CCDC88C: variants seen among roughly 807,000 people sequenced by gnomAD.
CCDC88C encodes the protein protein Daple.
A neutral mutation model predicts 198.8 loss-of-function variants in CCDC88C; 131 were observed. The ratio of observed to expected loss-of-function variants is 0.66; its 90% confidence interval spans 0.57 to 0.76. CCDC88C has a LOEUF of 0.76. Among genes scored for constraint, CCDC88C ranks in the 30% least tolerant of loss-of-function variants. The probability of loss-of-function intolerance (pLI) is 0.00; values close to 1 mark genes in which losing one functional copy is unlikely to be tolerated. For synonymous variants in CCDC88C, 1,166 were observed against 1,114.7 expected, an observed-to-expected ratio of 1.05 and a Z score of -0.92; for missense variants, 2,553 against 2,631.6, an observed-to-expected ratio of 0.97 and a Z score of 0.65.
At position 91,288,988 on chromosome 14, in the gene CCDC88C, G is replaced by A. The variant is rs956532120; in HGVS notation, c.4441+117C>T. On this transcript the variant is annotated intron_variant, in intron 25 of 29. Coordinates refer to ENST00000389857, the MANE Select transcript of CCDC88C (RefSeq NM_001080414.4). The surrounding 1 kb of genome is among the most constrained non-coding windows in gnomAD (Gnocchi z 4.2). ...GCTCGTAACACATCTAAGCGAAGGC[G>A]CACATGCAGTCACCCACCCCTGGCA... 27 of 764,358 alleles carry A rather than the reference G, an allele frequency of 3.5e-5. 1 individual carries two copies. The highest frequency in any genetic ancestry group is 7.0e-4 in the Middle Eastern group (2 of 2,860). 47.3% of individuals were successfully genotyped at this position (764,358 alleles called of 1,614,324 possible).
chr14:91,362,679 C>T (rs530458871), intron 3 of CCDC88C, among the ~76,000 whole-genome samples: 2 of 152,248 alleles, frequency 1.3e-5, no homozygotes, highest in African/African-American at 4.8e-5. Flanking sequence ...CCTGTAATCC[C>T]AGCACTTTGG....
chr14:91,303,153 C>T (rs1891379956), intron 20 of CCDC88C, among the ~76,000 whole-genome samples: 2 of 152,136 alleles, frequency 1.3e-5, no homozygotes, highest in African/African-American at 4.8e-5. Flanking sequence ...CTGACAGACT[C>T]CCCAGGCCTG....
At position 91,313,507 on chromosome 14, in the gene CCDC88C, C is replaced by A. The variant is rs201250053; in HGVS notation, c.2309G>T (p.Arg770Leu). 8 of 1,608,548 alleles carry A rather than the reference C, an allele frequency of 5.0e-6. No individual in the cohort carries two copies. In the South Asian group the frequency reaches 8.8e-5, roughly 18 times the overall value. Residue 770 changes from arginine to leucine, a missense_variant, in exon 15 of 30, where the codon CGG becomes CTG. Arg to Leu is a moderately radical substitution (Grantham distance 102). Around this residue, in one of 2 missense-constraint regions of CCDC88C, gnomAD observed 1,260 missense variants for 1,412.0 expected, o/e 0.89. Transcript: ENST00000389857. This position sits in a 1 kb window ranked among gnomAD's most constrained non-coding sequence, Gnocchi z 5.2. ...GCTGCTCTCCAGGCTCTGCTGCAGC[C>A]GGAGGTTCTCAGCGCTCACGCTCTG... ...SYQSVSAENL[R>L]LQQSLESSSH... is the part of the protein sequence containing the mutation.
rs928156568 is a variant in CCDC88C, at chr14:91,308,244, C to CT, written c.3006+106dup. 5.9e-6 allele frequency: 8 copies of CT among 1,348,358 alleles called. No individual in the cohort carries two copies. The Admixed American group carries it at 1.9e-4, about 32-fold the overall frequency. The allele number at this position is 1,348,358 out of a possible 1,614,324, so 83.5% of individuals were successfully genotyped here. On this transcript the variant is annotated intron_variant, in intron 17 of 29. Transcript: ENST00000389857. ...ACTCTGTGGCGCATCTACCCCTGCC[C>CT]TAGAAAATGGGTATCCAGGCCACCC... is the stretch of plus-strand genomic sequence containing the variant.
chr14:91,414,292 G>A (rs887658324), intron 2 of CCDC88C, among the ~76,000 whole-genome samples: 33 of 152,254 alleles, frequency 2.2e-4, no homozygotes, highest in East Asian at 1.5e-3. Context: ...GGTACTTTAC[G>A]TCCCATTTTA....
chr14:91,408,845 T>A (rs537813269), intron 2 of CCDC88C, 78 bp from the exon 3 acceptor site: 10 of 926,062 alleles, frequency 1.1e-5, no homozygotes, highest in Non-Finnish European at 1.7e-5. Context: ...CGACCCAGCA[T>A]CTTGTCCTCC....
At chr14:91,367,666 T>C (rs1284933553) in intron 3 of CCDC88C, among the ~76,000 whole-genome samples, 1 of 152,068 alleles carries the variant, frequency 6.6e-6, no homozygotes, top group Non-Finnish European at 1.5e-5. Flanking sequence ...TGGGAAGGCT[T>C]CCCAGAGGAG....
chr14:91,327,198 C>T (rs1892617266), intron 10 of CCDC88C, among the ~76,000 whole-genome samples: 1 of 152,252 alleles, frequency 6.6e-6, no homozygotes, highest in South Asian at 2.1e-4. Context: ...GTCCCACTCA[C>T]GAATCACACT....
Position 91,339,216 on chromosome 14 carries a change from ACACCACACCAGAAACATGTCTG to A in CCDC88C, c.809+40_809+61del. The A allele has an allele frequency of 1.1e-5, 18 of 1,581,260 alleles. No homozygotes were observed. The highest frequency in any genetic ancestry group is 4.5e-4 in the Middle Eastern group (2 of 4,400). On this transcript the variant is annotated intron_variant, in intron 8 of 29. Coordinates refer to ENST00000389857, the MANE Select transcript of CCDC88C (RefSeq NM_001080414.4). The surrounding 1 kb of genome is among the most constrained non-coding windows in gnomAD (Gnocchi z 5.8). Reference sequence around the variant, plus strand: ...TTGGCAGCACCACACATGTGAGTCGACACCACACCAGAAACATGTCTGCAACACACACAAAGGTAGGAGAAGC... The same window carrying A: ...TTGGCAGCACCACACATGTGAGTCGACAACACACACAAAGGTAGGAGAAGC...
At chr14:91,386,902 T>C (rs575865467) in intron 3 of CCDC88C, among the ~76,000 whole-genome samples, 1 of 152,292 alleles carries the variant, frequency 6.6e-6, no homozygotes, top group Admixed American at 6.5e-5. Flanking sequence ...CACAATGAGG[T>C]AGTACTGGGC....
chr14:91,417,765 T>G lies in CCDC88C; in HGVS notation c.-75A>C, dbSNP rs2140029865. The G allele has an allele frequency of 6.0e-5, 68 of 1,137,480 alleles. No individual in the cohort carries two copies. Among genetic ancestry groups the G allele is most frequent in the Non-Finnish European group, 7.2e-5 (64 of 886,176 alleles). 70.5% of individuals were successfully genotyped at this position (1,137,480 alleles called of 1,614,324 possible). A position where few individuals can be genotyped will look rare whatever the true frequency, so the allele number is the denominator to read the frequency against. ...CCCCCGCGCCGCGGCACAAAACGGC[T>G]CCGCAGCGAGCAGCGGGCGCGGGGC... is the stretch of plus-strand genomic sequence containing the variant. On this transcript the variant is annotated 5_prime_UTR_variant, in exon 1 of 30. Coordinates refer to ENST00000389857, the MANE Select transcript of CCDC88C (RefSeq NM_001080414.4).
chr14:91,289,316 G>A lies in CCDC88C; in HGVS notation c.4230C>T (p.Ala1410=), dbSNP rs774077958. 2 of 1,614,030 alleles carry A rather than the reference G, an allele frequency of 1.2e-6. No individual in the cohort carries two copies. Among genetic ancestry groups the A allele is most frequent in the Admixed American group, 1.7e-5 (1 of 60,028 alleles). The change falls in exon 25 of 30, where the codon GCC becomes GCT. Residue 1410 remains alanine (A), a synonymous_variant. Coordinates refer to ENST00000389857, the MANE Select transcript of CCDC88C (RefSeq NM_001080414.4). ...TCTTTGGTTTGATGAGTTTGACTAAGGCTTTGGCTCCAATCCAGTGGTTCT... is the reference window on the plus strand; with the variant it reads ...TCTTTGGTTTGATGAGTTTGACTAAAGCTTTGGCTCCAATCCAGTGGTTCT... ...KKKNHWIGAK[A]LVKLIKPKKE... is the part of the protein sequence containing the mutation.
chr14:91,342,178 C>T, intron 6 of CCDC88C: 7 of 408,234 alleles, frequency 1.7e-5, no homozygotes, highest in South Asian at 6.9e-5. Context: ...TTATTTTTAC[C>T]CTCATTTTAT....
chr14:91,294,093 G>A (rs1333164767), intron 23 of CCDC88C, 80 bp downstream of exon 23: 1 of 1,551,798 alleles, frequency 6.4e-7, no homozygotes, highest in Non-Finnish European at 8.9e-7. Flanking sequence ...CTCTCTGCAT[G>A]GGAAGCCAGG....
At chr14:91,401,066 A>C (rs1232009549) in intron 3 of CCDC88C, among the ~76,000 whole-genome samples, 1 of 151,646 alleles carries the variant, frequency 6.6e-6, no homozygotes, top group Non-Finnish European at 1.5e-5. Flanking sequence ...TGGTAAATGA[A>C]AAAAAGGCAG....
intron 25 of CCDC88C, chr14:91,285,528 G>A: frequency 1.5e-6 from 1 of 667,250 alleles, no homozygotes; most frequent in Non-Finnish European, 2.2e-6. Context: ...ATCCACGCTG[G>A]CTACTTTAAG....
At chr14:91,275,979 G>A (rs1291359591) in intron 29 of CCDC88C, among the ~76,000 whole-genome samples, 2 of 151,530 alleles carry the variant, frequency 1.3e-5, no homozygotes, top group African/African-American at 2.4e-5. Flanking sequence ...GCGCCACCAC[G>A]CCCGGCTAAT....
At chr14:91,297,186 A>G (rs894303019) in intron 22 of CCDC88C, 119 bp downstream of exon 22, 1 of 1,040,266 alleles carries the variant, frequency 9.6e-7, no homozygotes, top group Admixed American at 2.3e-5. Flanking sequence ...CCACCTCCAC[A>G]CATTTCTGTC....
chr14:91,408,746 T>C lies in CCDC88C; in HGVS notation c.183A>G (p.Gln61=), dbSNP rs749852893. The part of the protein sequence containing the change: ...MLQIDPRPTN[Q]RINKHVNNDV... ...CATTGTTGACGTGCTTATTGATGCG[T>C]TGATTTGTGGGCCTGGGATCTCTAG... Residue 61 remains glutamine, a synonymous_variant, in exon 3 of 30, where the codon CAA becomes CAG. Coordinates refer to ENST00000389857, the MANE Select transcript of CCDC88C (RefSeq NM_001080414.4). 16 of 1,613,520 alleles carry C rather than the reference T, an allele frequency of 9.9e-6. No homozygotes were observed. Among genetic ancestry groups the C allele is most frequent in the South Asian group, 5.5e-5 (5 of 91,072 alleles).
Sources: allele counts gnomAD v4.1 joint callset (sites outside exome capture counted in the v4.1 genomes callset), GRCh38; gene constraint gnomAD v4.1.1; regional missense constraint gnomAD v4.1.1; non-coding constraint Gnocchi (gnomAD v3.1); transcripts MANE v1.5; gene names NCBI Gene and HGNC (gene_info 2026-07-23, HGNC 2026-07-21).